The following WWOX variants were observed in gnomAD, a reference collection of about 807,000 sequenced individuals.
WWOX encodes WW domain containing oxidoreductase, also known as WW domain-containing oxidoreductase.
A neutral mutation model predicts 46.2 loss-of-function variants in WWOX; 69 were observed. That is an observed-to-expected ratio of 1.49 (90% confidence interval 1.23 to 1.82). The LOEUF (loss-of-function observed/expected upper bound fraction) is 1.82. Ranked by LOEUF, WWOX falls within the 40% of genes most tolerant of loss-of-function variation. The probability of loss-of-function intolerance (pLI) is 0.00; values close to 1 mark genes in which losing one functional copy is unlikely to be tolerated. For synonymous variants in WWOX, 359 were observed against 202.6 expected (o/e 1.77, Z -6.56); for missense variants, 919 against 542.6 (o/e 1.69, Z -6.89).
chr16:78,199,351 C>T (rs532942829), intron 5 of WWOX, among the ~76,000 whole-genome samples: 2 of 151,438 alleles, frequency 1.3e-5, no homozygotes, highest in Non-Finnish European at 2.9e-5. Flanking sequence ...AAACTAAGAA[C>T]AACAACGAAA....
chr16:78,396,581 C>A (rs1050175684), intron 6 of WWOX, among the ~76,000 whole-genome samples: 6 of 152,082 alleles, frequency 3.9e-5, no homozygotes, highest in Admixed American at 2.6e-4. Flanking sequence ...CCTCACAATC[C>A]CACCAGTGCA....
chr16:78,566,452 G>A (rs989483761), intron 8 of WWOX, among the ~76,000 whole-genome samples: 22 of 152,204 alleles, frequency 1.4e-4, no homozygotes, highest in Non-Finnish European at 8.8e-5. Flanking sequence ...AAGTTTTGCT[G>A]CCTTGGGCCT....
At chr16:78,136,085 A>C (rs534499852) in intron 4 of WWOX, among the ~76,000 whole-genome samples, 2 of 152,184 alleles carry the variant, frequency 1.3e-5, no homozygotes, top group African/African-American at 2.4e-5. Context: ...TATTACTTCT[A>C]TAATGAGTAG....
At chr16:78,363,829 G>A (rs1354898692) in intron 5 of WWOX, among the ~76,000 whole-genome samples, 1 of 152,152 alleles carries the variant, frequency 6.6e-6, no homozygotes, top group East Asian at 1.9e-4. Context: ...AGGTTGGAGA[G>A]CAGGAACTTG....
intron 8 of WWOX, among the ~76,000 whole-genome samples, chr16:78,972,372 C>T (rs961442873): frequency 6.6e-6 from 1 of 151,230 alleles, no homozygotes; most frequent in Non-Finnish European, 1.5e-5. Flanking sequence ...CCGTGTATTT[C>T]AAAGCAGGAT....
intron 8 of WWOX, among the ~76,000 whole-genome samples, chr16:78,764,860 C>G (rs1309751999): frequency 6.6e-6 from 1 of 151,930 alleles, no homozygotes; most frequent in Non-Finnish European, 1.5e-5. Flanking sequence ...GTTGAGTTTA[C>G]TATGGATATA....
intron 8 of WWOX, among the ~76,000 whole-genome samples, chr16:78,857,617 T>C (rs931570684): frequency 1.4e-4 from 22 of 152,222 alleles, no homozygotes; most frequent in Admixed American, 4.6e-4. Context: ...CTTTTGTATC[T>C]AGCCTAACAT....
intron 8 of WWOX, among the ~76,000 whole-genome samples, chr16:78,910,634 G>C (rs1297381923): frequency 6.6e-6 from 1 of 151,948 alleles, no homozygotes; most frequent in African/African-American, 2.4e-5. Flanking sequence ...ACATGGCGGT[G>C]GAGGTGTCAC....
At position 78,220,126 on chromosome 16, in the gene WWOX, G is replaced by A. The variant is rs529835711; in HGVS notation, c.516+55837G>A. Among the ~76,000 whole-genome samples, 42 of 152,222 alleles carry A rather than the reference G, an allele frequency of 2.8e-4. 1 individual carries two copies. Among genetic ancestry groups the A allele is most frequent in the Admixed American group, 1.3e-3 (20 of 15,278 alleles). Reference sequence around the variant, plus strand: ...GATTGTGAATGTTTGTTTATTCGGGGTACTCCCTCAAATTTCTTATCCAGT... The same window carrying A: ...GATTGTGAATGTTTGTTTATTCGGGATACTCCCTCAAATTTCTTATCCAGT... On this transcript the variant is annotated intron_variant, in intron 5 of 8. Coordinates refer to ENST00000566780, the MANE Select transcript of WWOX (RefSeq NM_016373.4).
chr16:78,913,333 G>C (rs1295085596), intron 8 of WWOX, among the ~76,000 whole-genome samples: 1 of 151,986 alleles, frequency 6.6e-6, no homozygotes, highest in Non-Finnish European at 1.5e-5. Context: ...TTGAGCCTCT[G>C]CCTGTTAGGT....
At chr16:78,681,625 G>A (rs1371001037) in intron 8 of WWOX, among the ~76,000 whole-genome samples, 2 of 151,944 alleles carry the variant, frequency 1.3e-5, no homozygotes, top group East Asian at 1.9e-4. Context: ...GGGACAGACC[G>A]AGGTTTGAGA....
intron 8 of WWOX, among the ~76,000 whole-genome samples, chr16:79,019,527 T>TTGACTGAAAGTTGTCATGTAGCCCA (rs2047489183): frequency 6.6e-6 from 1 of 152,164 alleles, no homozygotes; most frequent in Non-Finnish European, 1.5e-5. Flanking sequence ...CAGTCTGTCA[T>TTGACTGAAAGTTGTCATGTAGCCCA]TGACTGAAAG....
intron 8 of WWOX, among the ~76,000 whole-genome samples, chr16:79,135,608 G>A (rs1417489677): frequency 6.6e-6 from 1 of 151,930 alleles, no homozygotes; most frequent in Non-Finnish European, 1.5e-5. Context: ...TTCAATTGTG[G>A]ACCAATGAGA....
At chr16:78,368,942 G>A (rs932233959) in intron 5 of WWOX, among the ~76,000 whole-genome samples, 3 of 152,114 alleles carry the variant, frequency 2.0e-5, no homozygotes, top group African/African-American at 4.8e-5. Context: ...GCTCTCTACT[G>A]CTCCTCATAG....
chr16:78,289,888 T>G (rs2079831833), intron 5 of WWOX, among the ~76,000 whole-genome samples: 1 of 152,170 alleles, frequency 6.6e-6, no homozygotes, highest in Non-Finnish European at 1.5e-5. Context: ...ATTGCAAATT[T>G]AAGAATGTTC....
At chr16:78,955,339 G>T (rs1597202538) in intron 8 of WWOX, among the ~76,000 whole-genome samples, 1 of 152,162 alleles carries the variant, frequency 6.6e-6, no homozygotes, top group African/African-American at 2.4e-5. Context: ...AATCCGTTGA[G>T]AGGAGCATTG....
At chr16:79,084,014 C>T (rs1325989496) in intron 8 of WWOX, among the ~76,000 whole-genome samples, 1 of 152,144 alleles carries the variant, frequency 6.6e-6, no homozygotes, top group Non-Finnish European at 1.5e-5. Flanking sequence ...TTTTGGTTAA[C>T]CACTCGCATC....
intron 6 of WWOX, among the ~76,000 whole-genome samples, chr16:78,406,654 T>A (rs11863190): frequency 7.8e-6 from 1 of 127,774 alleles, no homozygotes; most frequent in African/African-American, 3.1e-5. Context: ...AGAGATGGAG[T>A]GTCACTCTGT....
intron 5 of WWOX, among the ~76,000 whole-genome samples, chr16:78,198,576 G>A (rs1597342344): frequency 6.6e-6 from 1 of 152,164 alleles, no homozygotes; most frequent in African/African-American, 2.4e-5. Flanking sequence ...TTCTGTTTTT[G>A]ATGCTCTCGT....
Sources: gnomAD v4.1 joint callset for allele counts (sites outside exome capture counted in the v4.1 genomes callset) on GRCh38, gnomAD v4.1.1 for gene constraint, MANE v1.5 for transcripts, NCBI Gene and HGNC (gene_info 2026-07-23, HGNC 2026-07-21) for gene names.